The following PIP5K1A variants were observed in gnomAD, a reference collection of about 807,000 sequenced individuals.
PIP5K1A encodes the protein phosphatidylinositol 4-phosphate 5-kinase type-1 alpha.
PIP5K1A carries 46 observed loss-of-function variants against 72.9 expected under a neutral mutation model. That is an observed-to-expected ratio of 0.63 (90% CI 0.50 to 0.81). The LOEUF is 0.81. PIP5K1A is among the 30% of genes least tolerant of loss of function. The pLI, the probability that PIP5K1A is intolerant of heterozygous loss-of-function variation, is 0.00. For missense variants in PIP5K1A, 458 were observed against 706.1 expected (o/e 0.65, Z 3.98); for synonymous variants, 228 against 255.1 (o/e 0.89, Z 1.01).
At chr1:151,238,553 C>T (rs1691211885) in intron 10 of PIP5K1A, 1 of 374,098 alleles carries the variant, frequency 2.7e-6, no homozygotes, top group Non-Finnish European at 5.0e-6. Flanking sequence ...CTGTCTGGCT[C>T]TTTGCAAAAA....
chr1:151,210,307 C>T (rs965949938), intron 1 of PIP5K1A, among the ~76,000 whole-genome samples: 1 of 151,680 alleles, frequency 6.6e-6, no homozygotes, highest in Non-Finnish European at 1.5e-5. Flanking sequence ...GTGATCCTCC[C>T]ACCTCAGCCT....
upstream of PIP5K1A, among the ~76,000 whole-genome samples, chr1:151,195,817 C>G (rs1684540060): frequency 2.1e-5 from 3 of 145,368 alleles, no homozygotes; most frequent in African/African-American, 7.6e-5. Flanking sequence ...CTGCGTTGGT[C>G]ATTCTGGGAT....
rs377064939 is a variant in PIP5K1A, at chr1:151,234,309, C to T, written c.752C>T (p.Ser251Leu). Residue 251 changes from serine to leucine, a missense_variant, in exon 8 of 16, where the codon TCG (serine) becomes TTG (leucine). By Grantham distance (145) the Ser-to-Leu change is moderately radical. Transcript: ENST00000368888. ...GTGATGAACAATCTTTTACCAAGAT[C>T]GGTAAAAATGCATATCAAATATGAC... ...IVVMNNLLPR[S>L]VKMHIKYDLK... 16 of 1,612,808 alleles carry T rather than the reference C, an allele frequency of 9.9e-6. No homozygotes were observed. The highest frequency in any genetic ancestry group is 2.2e-5 in the East Asian group (1 of 44,888).
chr1:151,244,567 G>C (rs1692218765), intron 14 of PIP5K1A, among the ~76,000 whole-genome samples: 1 of 152,276 alleles, frequency 6.6e-6, no homozygotes, highest in Middle Eastern at 3.4e-3. Context: ...GAGGCAGGAG[G>C]ATCGCTCGAA....
At chr1:151,201,746 C>T (rs1337213276) in intron 1 of PIP5K1A, among the ~76,000 whole-genome samples, 1 of 151,928 alleles carries the variant, frequency 6.6e-6, no homozygotes, top group African/African-American at 2.4e-5. Context: ...CCTGTAATCC[C>T]AGCTACTTAG....
At chr1:151,225,151 A>G (rs1424254495) in intron 3 of PIP5K1A, among the ~76,000 whole-genome samples, 2 of 152,202 alleles carry the variant, frequency 1.3e-5, no homozygotes, top group Non-Finnish European at 2.9e-5. Context: ...CCTGTGCAAC[A>G]TAGTGAGACC....
intron 1 of PIP5K1A, among the ~76,000 whole-genome samples, chr1:151,219,851 CTTTT>C (rs71237867): frequency 2.0e-5 from 2 of 98,702 alleles, no homozygotes; most frequent in Admixed American, 1.4e-4. Context: ...ATATTCTTTC[CTTTT>C]TTTTTTTTTT....
At chr1:151,211,917 C>T (rs924460402) in intron 1 of PIP5K1A, among the ~76,000 whole-genome samples, 45 of 151,672 alleles carry the variant, frequency 3.0e-4, no homozygotes, top group African/African-American at 9.4e-4. Context: ...TCCTGGCTAA[C>T]GTGGTGAAAC....
chr1:151,198,431 G>C (rs781099204), upstream of PIP5K1A: 20 of 244,298 alleles, frequency 8.2e-5, no homozygotes, highest in Non-Finnish European at 1.4e-4. Flanking sequence ...CCGTGGACTC[G>C]TCAGGGCGTG....
chr1:151,240,363 T>C, intron 12 of PIP5K1A: 3 of 316,568 alleles, frequency 9.5e-6, no homozygotes, highest in Non-Finnish European at 1.8e-5. Flanking sequence ...GCAGAGCCTA[T>C]GTACAGAGAT....
rs149143730 is a variant in PIP5K1A, at chr1:151,242,585, T to G, written c.1640+18T>G. 19 of 1,606,934 alleles carry G rather than the reference T, an allele frequency of 1.2e-5. No homozygotes were observed. The African/African-American group carries it at 2.0e-4, about 17-fold the overall frequency. ...ACTACAAGGTTGGTTTATTGGCCCC[T>G]TTCTCCATATAATCTTATCTCTCTT... is the stretch of plus-strand genomic sequence containing the variant. On this transcript the variant is annotated intron_variant, in intron 14 of 15. Coordinates refer to ENST00000368888, the MANE Select transcript of PIP5K1A (RefSeq NM_001135638.2).
intron 1 of PIP5K1A, among the ~76,000 whole-genome samples, chr1:151,203,672 A>C (rs587640283): frequency 2.1e-4 from 32 of 151,794 alleles, no homozygotes; most frequent in African/African-American, 7.7e-4. Flanking sequence ...AAAAATACAA[A>C]AATTAGCTAG....
At chr1:151,209,488 G>A (rs1686475960) in intron 1 of PIP5K1A, among the ~76,000 whole-genome samples, 1 of 145,412 alleles carries the variant, frequency 6.9e-6, no homozygotes, top group African/African-American at 2.5e-5. Context: ...CGCCCAGGCT[G>A]GAGTGCAATG....
intron 9 of PIP5K1A, among the ~76,000 whole-genome samples, chr1:151,237,744 A>G (rs1691099823): frequency 6.6e-6 from 1 of 152,178 alleles, no homozygotes; most frequent in Non-Finnish European, 1.5e-5. Flanking sequence ...CTGAAGTGTC[A>G]CAAATATCTT....
chr1:151,198,095 T>C (rs1343308770), upstream of PIP5K1A: 1 of 470,798 alleles, frequency 2.1e-6, no homozygotes, highest in Admixed American at 2.4e-5. Flanking sequence ...CACAGATCTA[T>C]TTCGAATGCC....
intron 1 of PIP5K1A, among the ~76,000 whole-genome samples, chr1:151,216,900 GTTTTTTTTTTTTTTTTT>G (rs78155966): frequency 2.2e-5 from 3 of 136,674 alleles, no homozygotes; most frequent in Non-Finnish European, 3.1e-5. Flanking sequence ...CTTAGTAAAT[GTTTTTTTTTTTTTTTTT>G]TTTTTTTTTT....
intron 1 of PIP5K1A, among the ~76,000 whole-genome samples, chr1:151,214,062 T>A (rs1687234170): frequency 6.6e-6 from 1 of 152,154 alleles, no homozygotes; most frequent in Admixed American, 6.6e-5. Context: ...TATAATTTTT[T>A]GACCTTTTTC....
chr1:151,234,991 T>C (rs1056137163), intron 8 of PIP5K1A, among the ~76,000 whole-genome samples: 3 of 152,266 alleles, frequency 2.0e-5, no homozygotes, highest in African/African-American at 7.2e-5. Context: ...TCTCCCTAGC[T>C]TTGTTTCTCA....
chr1:151,207,292 C>T (rs1441036316), intron 1 of PIP5K1A, among the ~76,000 whole-genome samples: 1 of 152,156 alleles, frequency 6.6e-6, no homozygotes, highest in Admixed American at 6.6e-5. Context: ...CCATGGGTAG[C>T]TTATTCAGGA....
Sources: allele counts gnomAD v4.1 joint callset (sites outside exome capture counted in the v4.1 genomes callset), GRCh38; gene constraint gnomAD v4.1.1; transcripts MANE v1.5; gene names NCBI Gene and HGNC (gene_info 2026-07-23, HGNC 2026-07-21).